MFN1: variants seen among roughly 807,000 people sequenced by gnomAD.
MFN1 encodes mitofusin-1.
Under a neutral mutation model 92.4 loss-of-function variants are expected in MFN1, and 65 were observed. The ratio of observed to expected loss-of-function variants is 0.70; its 90% confidence interval spans 0.58 to 0.86. The LOEUF is 0.86. Ranked by LOEUF, MFN1 falls within the 40% of genes least tolerant of loss-of-function variation. The pLI is 0.00. For missense variants in MFN1, 781 were observed against 868.0 expected (o/e 0.90, Z 1.26); for synonymous variants, 297 against 300.9 (o/e 0.99, Z 0.13).
chr3:179,374,348 CATATATAACATATATAT>C (rs1713144123), intron 9 of MFN1, among the ~76,000 whole-genome samples: 2 of 138,078 alleles, frequency 1.4e-5, no homozygotes, highest in Admixed American at 7.4e-5. Flanking sequence ...ATATATATAA[CATATATAACATATATAT>C]GTAATATATA....
At position 179,353,415 on chromosome 3, in the gene MFN1, C is replaced by T. The variant is rs148787653; in HGVS notation, c.248+1380C>T. 2.7e-3 allele frequency among the ~76,000 whole-genome samples: 415 copies of T among 151,676 alleles called. 2 individuals carry two copies. The highest frequency in any genetic ancestry group is 9.5e-3 in the African/African-American group (391 of 41,308). ...TAGAGATAGGGTTTCACCATGTTGG[C>T]CAGGCTGGTCTCAAACTCCTGACCT... is the stretch of plus-strand genomic sequence containing the variant. On this transcript the variant is annotated intron_variant, in intron 3 of 17. Transcript: ENST00000471841.
intron 15 of MFN1, 101 bp from the exon 16 acceptor site, chr3:179,386,332 G>A: frequency 1.1e-6 from 1 of 882,872 alleles, no homozygotes; most frequent in Non-Finnish European, 1.7e-6. Flanking sequence ...TTTAGAAAAT[G>A]TATCTAACTC....
chr3:179,354,342 T>C (rs1218281241), intron 3 of MFN1, among the ~76,000 whole-genome samples: 1 of 152,238 alleles, frequency 6.6e-6, no homozygotes, highest in Non-Finnish European at 1.5e-5. Context: ...GAAGAGACTT[T>C]GTAAGCAAAA....
At chr3:179,356,085 T>A (rs1712336042) in intron 3 of MFN1, among the ~76,000 whole-genome samples, 1 of 152,232 alleles carries the variant, frequency 6.6e-6, no homozygotes, top group African/African-American at 2.4e-5. Flanking sequence ...CCCTGAGTGA[T>A]TGGAGTATCT....
intron 7 of MFN1, among the ~76,000 whole-genome samples, chr3:179,366,343 C>A (rs1712792974): frequency 6.6e-6 from 1 of 151,798 alleles, no homozygotes; most frequent in Non-Finnish European, 1.5e-5. Context: ...TCGATTTATA[C>A]TCCTGCCAGC....
chr3:179,385,439 T>A (rs987858065), intron 14 of MFN1, 130 bp from the exon 15 acceptor site: 2 of 655,452 alleles, frequency 3.1e-6, no homozygotes, highest in Non-Finnish European at 4.9e-6. Context: ...TCTACATATA[T>A]TTGTGGTGTA....
intron 3 of MFN1, among the ~76,000 whole-genome samples, chr3:179,352,570 C>T (rs185823627): frequency 6.7e-4 from 102 of 152,316 alleles, no homozygotes; most frequent in Non-Finnish European, 1.0e-3. Flanking sequence ...ATGGCATCTC[C>T]GCCAATGAAC....
Position 179,367,546 on chromosome 3 carries a change from A to C in MFN1, c.861A>C (p.Glu287Asp). 6.2e-7 allele frequency: 1 copy of C among 1,613,850 alleles called. No homozygotes were observed. The highest frequency in any genetic ancestry group is 1.1e-5 in the South Asian group (1 of 91,054). Residue 287 changes from glutamate (E) to aspartate (D), a missense_variant, in exon 8 of 18, where the codon GAA becomes GAC. By Grantham distance (45) the Glu-to-Asp change is conservative. Coordinates refer to ENST00000471841, the MANE Select transcript of MFN1 (RefSeq NM_033540.3). ...QNRIFFVSAK[E>D]VLSARKQKAQ... is the part of the protein sequence containing the mutation. ...GTATCTTCTTTGTTTCAGCAAAGGA[A>C]GTTCTTAGTGCTAGAAAGCAAAAAG... is the stretch of plus-strand genomic sequence containing the variant.
chr3:179,373,799 G>A lies in MFN1; in HGVS notation c.976-1421G>A, dbSNP rs564115538. Among the ~76,000 whole-genome samples, 377 of 151,892 alleles carry A rather than the reference G, an allele frequency of 2.5e-3. 1 individual carries two copies. Among genetic ancestry groups the A allele is most frequent in the Non-Finnish European group, 4.0e-3 (273 of 67,934 alleles). On this transcript the variant is annotated intron_variant, in intron 9 of 17. Transcript: ENST00000471841. Reference sequence around the variant, plus strand: ...CGCCATTCTCCTGCCTCAGCCTCCCGAGTAGCTGGGACTACAAGCGCGTGC... The same window carrying A: ...CGCCATTCTCCTGCCTCAGCCTCCCAAGTAGCTGGGACTACAAGCGCGTGC...
intron 14 of MFN1, among the ~76,000 whole-genome samples, chr3:179,381,389 A>C (rs1485512547): frequency 2.0e-5 from 3 of 152,240 alleles, no homozygotes; most frequent in African/African-American, 7.2e-5. Flanking sequence ...AGTACTGTGT[A>C]CCGGAACTTT....
intron 17 of MFN1, 97 bp downstream of exon 17, chr3:179,390,235 T>C: frequency 9.5e-7 from 1 of 1,053,922 alleles, no homozygotes; most frequent in Non-Finnish European, 1.3e-6. Flanking sequence ...CCTAATAGCT[T>C]TTTGTGTTGG....
At chr3:179,366,088 T>C (rs1712777124) in intron 7 of MFN1, among the ~76,000 whole-genome samples, 4 of 152,194 alleles carry the variant, frequency 2.6e-5, no homozygotes, top group Admixed American at 6.5e-5. Flanking sequence ...AAGATACTTT[T>C]TTTTTGTTAC....
rs1368044798 is a variant in MFN1, at chr3:179,367,503, C to T, written c.818C>T (p.Ala273Val). The T allele has an allele frequency of 3.1e-6, 5 of 1,613,668 alleles. No individual in the cohort carries two copies. The highest frequency in any genetic ancestry group is 2.2e-5 in the East Asian group (1 of 44,848). Reference sequence around the variant, plus strand: ...GTGGAGGAGCTCAAAGTTGTAAATGCTTTAGAAGCACAGAATCGTATCTTC... The same window carrying T: ...GTGGAGGAGCTCAAAGTTGTAAATGTTTTAGAAGCACAGAATCGTATCTTC... Reference protein sequence around the residue: ...FLVEELKVVNALEAQNRIFFV... With the variant: ...FLVEELKVVNVLEAQNRIFFV... Residue 273 changes from alanine (A) to valine (V), a missense_variant, in exon 8 of 18, where the codon GCT (alanine) becomes GTT (valine). Transcript: ENST00000471841.
chr3:179,348,844 G>A lies in MFN1; in HGVS notation c.-7-1G>A. 1.9e-6 allele frequency: 3 copies of A among 1,608,372 alleles called. No homozygotes were observed. Among genetic ancestry groups the A allele is most frequent in the Non-Finnish European group, 2.6e-6 (3 of 1,175,716 alleles). ...GCTTTTCTAACTTTATCTCCCTCTA[G>A]TAGCATAATGGCAGAACCTGTTTCT... On this transcript the variant is annotated splice_acceptor_variant, in intron 1 of 17. Coordinates refer to ENST00000471841, the MANE Select transcript of MFN1 (RefSeq NM_033540.3). LOFTEE classifies it low-confidence loss of function (5UTR_SPLICE).
chr3:179,368,557 A>C (rs910868766), intron 9 of MFN1, among the ~76,000 whole-genome samples: 5 of 152,270 alleles, frequency 3.3e-5, no homozygotes, highest in African/African-American at 9.6e-5. Context: ...ATATTTATAT[A>C]CTGTGTTACC....
intron 3 of MFN1, among the ~76,000 whole-genome samples, chr3:179,355,221 T>C (rs1712304186): frequency 6.6e-6 from 1 of 152,192 alleles, no homozygotes; most frequent in South Asian, 2.1e-4. Flanking sequence ...CAGAGGTCAC[T>C]TTCATCGCCA....
Position 179,385,661 on chromosome 3 carries a change from A to G in MFN1, c.1755A>G (p.Val585=). 3.1e-6 allele frequency: 5 copies of G among 1,613,932 alleles called. No homozygotes were observed. Among genetic ancestry groups the G allele is most frequent in the Non-Finnish European group, 3.4e-6 (4 of 1,179,872 alleles). The change falls in exon 15 of 18, where the codon GTA becomes GTG. Residue 585 remains valine (V), a synonymous_variant. Coordinates refer to ENST00000471841, the MANE Select transcript of MFN1 (RefSeq NM_033540.3). ...ASQEELMITL[V]TGLASVTSRT... is the part of the protein sequence containing the mutation. ...AGGAAGAACTCATGATTACATTAGT[A>G]ACAGGATTGGCGTCCGTTACATCTA...
At chr3:179,358,023 A>C (rs1712410171) in intron 3 of MFN1, among the ~76,000 whole-genome samples, 1 of 152,156 alleles carries the variant, frequency 6.6e-6, no homozygotes, top group African/African-American at 2.4e-5. Flanking sequence ...GCAGCACAGC[A>C]GACTCGGGGT....
chr3:179,381,260 C>G (rs551000512), intron 14 of MFN1, among the ~76,000 whole-genome samples: 2 of 152,294 alleles, frequency 1.3e-5, no homozygotes, highest in African/African-American at 2.4e-5. Context: ...GTTAAAGAGG[C>G]AAGTAGGTGG....
Sources: gnomAD v4.1 joint callset for allele counts (sites outside exome capture counted in the v4.1 genomes callset) on GRCh38, gnomAD v4.1.1 for gene constraint, MANE v1.5 for transcripts, NCBI Gene and HGNC (gene_info 2026-07-23, HGNC 2026-07-21) for gene names.